Variants in GLB1 observed in about 807,000 individuals in gnomAD.
GLB1 encodes the protein galactosidase beta 1.
In GLB1, 56 loss-of-function variants were observed where a neutral mutation model predicts 74.0. That is an observed-to-expected ratio of 0.76 (90% CI 0.61 to 0.94). The LOEUF (loss-of-function observed/expected upper bound fraction) is 0.94, where lower values mean the gene tolerates loss of function less well. Ranked by LOEUF, GLB1 falls within the 40% of genes least tolerant of loss-of-function variation. GLB1 has a pLI of 0.00. For synonymous variants in GLB1, 323 were observed against 323.6 expected, an observed-to-expected ratio of 1.00 and a Z score of 0.02; for missense variants, 787 against 845.5, an observed-to-expected ratio of 0.93 and a Z score of 0.86.
intron 5 of GLB1, chr3:33,061,714 C>T (rs1487416761): frequency 1.3e-5 from 2 of 152,148 alleles, no homozygotes; most frequent in Non-Finnish European, 2.9e-5. Context: ...TGATGAATGC[C>T]CTGTTAATTG....
At chr3:33,007,037 G>T (rs1334498048) in intron 15 of GLB1, among the ~76,000 whole-genome samples, 1 of 152,174 alleles carries the variant, frequency 6.6e-6, no homozygotes, top group Non-Finnish European at 1.5e-5. Context: ...CTGTTCTGAG[G>T]TGGCTGATCA....
At chr3:32,983,766 C>G in the GLB1 span, among the ~76,000 whole-genome samples, 2 of 152,138 alleles carry the variant, frequency 1.3e-5, no homozygotes, top group Non-Finnish European at 1.5e-5. Flanking sequence ...ACAGCCTTGA[C>G]CCCCTGAGTT....
chr3:33,075,508 G>A (rs140989647), intron 1 of GLB1, among the ~76,000 whole-genome samples: 28 of 152,274 alleles, frequency 1.8e-4, no homozygotes, highest in African/African-American at 4.6e-4. Context: ...CACCTCTTAC[G>A]TGCTGAGTAA....
intron 5 of GLB1, 140 bp from the exon 6 acceptor site, chr3:33,058,409 G>T: frequency 8.1e-7 from 1 of 1,234,008 alleles, no homozygotes; most frequent in Non-Finnish European, 1.1e-6. Context: ...CCTTCACTCA[G>T]ACCTCAAAAC....
intron 10 of GLB1, chr3:33,030,677 C>T: frequency 2.0e-6 from 2 of 985,432 alleles, no homozygotes; most frequent in Non-Finnish European, 2.4e-6. Context: ...ATCCCCTCTT[C>T]ACCACTCAGC....
At chr3:33,023,898 A>T (rs962556427) in intron 11 of GLB1, among the ~76,000 whole-genome samples, 79 of 152,348 alleles carry the variant, frequency 5.2e-4, no homozygotes, top group African/African-American at 1.8e-3. Flanking sequence ...GGTAAATACG[A>T]CAAAGAGCCT....
At chr3:32,984,824 C>A in the GLB1 span, among the ~76,000 whole-genome samples, 1 of 151,614 alleles carries the variant, frequency 6.6e-6, no homozygotes, top group East Asian at 1.9e-4. Flanking sequence ...TGCCTGTAGT[C>A]CCAGCTTCTC....
intron 15 of GLB1, among the ~76,000 whole-genome samples, chr3:33,013,106 A>G (rs1419725857): frequency 6.6e-6 from 1 of 152,042 alleles, no homozygotes; most frequent in Non-Finnish European, 1.5e-5. Flanking sequence ...TACTTTCCAC[A>G]CTTGACATTT....
At chr3:33,046,002 C>T (rs1698724795) in intron 10 of GLB1, 118 bp downstream of exon 10, 2 of 1,325,200 alleles carry the variant, frequency 1.5e-6, no homozygotes, top group Non-Finnish European at 2.1e-6. Context: ...TGATGCCTCC[C>T]TTCATCCATC....
At chr3:32,967,851 C>A in the GLB1 span, among the ~76,000 whole-genome samples, 14 of 152,216 alleles carry the variant, frequency 9.2e-5, no homozygotes, top group African/African-American at 3.4e-4. Context: ...TGCCTGGTAG[C>A]GGAACGGAAC....
At chr3:33,052,125 T>C in intron 7 of GLB1, 121 bp from the exon 8 acceptor site, 1 of 1,568,996 alleles carries the variant, frequency 6.4e-7, no homozygotes, top group Non-Finnish European at 8.6e-7. Flanking sequence ...CATGCACTGC[T>C]TAACCCAGAG....
intron 15 of GLB1, among the ~76,000 whole-genome samples, chr3:33,011,456 AAAC>A (rs1697020515): frequency 6.6e-6 from 1 of 150,864 alleles, no homozygotes; most frequent in African/African-American, 2.4e-5. Flanking sequence ...AATAAAAAAA[AAAC>A]AAAAAATAAA....
chr3:32,984,255 A>T, the GLB1 span, among the ~76,000 whole-genome samples: 1 of 151,336 alleles, frequency 6.6e-6, no homozygotes, highest in Non-Finnish European at 1.5e-5. Flanking sequence ...TTGTCCCTAC[A>T]CCCCCCTGAG....
chr3:33,080,876 G>C (rs1207783336), intron 1 of GLB1, among the ~76,000 whole-genome samples: 1 of 152,216 alleles, frequency 6.6e-6, no homozygotes, highest in Non-Finnish European at 1.5e-5. Context: ...CAGGATGTGA[G>C]TCTGCACCTT....
At chr3:33,073,605 T>G (rs1699970411) in intron 1 of GLB1, among the ~76,000 whole-genome samples, 1 of 152,008 alleles carries the variant, frequency 6.6e-6, no homozygotes, top group African/African-American at 2.4e-5. Context: ...CGAGAATCGC[T>G]TGAACCCGGG....
chr3:33,087,742 A>G (rs745709021), intron 1 of GLB1, among the ~76,000 whole-genome samples: 39 of 152,202 alleles, frequency 2.6e-4, no homozygotes, highest in Non-Finnish European at 5.0e-4. Flanking sequence ...GAGGAGGAAC[A>G]TTTCTAAATT....
intron 1 of GLB1, among the ~76,000 whole-genome samples, chr3:33,078,576 T>C (rs1700212811): frequency 6.6e-6 from 1 of 152,142 alleles, no homozygotes; most frequent in Non-Finnish European, 1.5e-5. Context: ...AAATCCAAAA[T>C]GTGGGACATT....
At position 33,021,647 on chromosome 3, in the gene GLB1, T is replaced by C. The variant is rs759322963; in HGVS notation, c.1152A>G (p.Thr384=). ...YGKVTLEKLK[T]VGAALDILCP... ...ACAGAATGTCCAGAGCTGCTCCCAC[T>C]GTCTTTAACTGAAAAGAAACAAAAG... The change falls in exon 12 of 16, where the codon ACA becomes ACG. Residue 384 remains threonine, a synonymous_variant. Coordinates refer to ENST00000307363, the MANE Select transcript of GLB1 (RefSeq NM_000404.4). 2 of 1,613,802 alleles carry C rather than the reference T, an allele frequency of 1.2e-6. No homozygotes were observed. The highest frequency in any genetic ancestry group is 1.7e-6 in the Non-Finnish European group (2 of 1,179,890).
the GLB1 span, among the ~76,000 whole-genome samples, chr3:32,975,290 G>T: frequency 6.6e-6 from 1 of 152,090 alleles, no homozygotes; most frequent in Non-Finnish European, 1.5e-5. Flanking sequence ...TCACTATGTT[G>T]CCCAGGCTGG....
Sources: allele counts gnomAD v4.1 joint callset (sites outside exome capture counted in the v4.1 genomes callset), GRCh38; gene constraint gnomAD v4.1.1; transcripts MANE v1.5; gene names NCBI Gene and HGNC (gene_info 2026-07-23, HGNC 2026-07-21).